The following STK32C variants were observed in gnomAD, a reference collection of about 807,000 sequenced individuals.
The protein encoded by STK32C is serine/threonine kinase 32C.
A neutral mutation model predicts 56.5 loss-of-function variants in STK32C; 31 were observed. The observed-to-expected ratio is 0.55, with a 90% CI of 0.41 to 0.74. The LOEUF (loss-of-function observed/expected upper bound fraction) is 0.74. Ranked by LOEUF, STK32C falls within the 30% of genes least tolerant of loss-of-function variation. STK32C has a pLI of 0.00. For missense variants in STK32C, 544 were observed against 676.9 expected (o/e 0.80, Z 2.18); for synonymous variants, 309 against 289.4 (o/e 1.07, Z -0.69).
At chr10:132,282,217 G>A (rs934898983) in intron 1 of STK32C, among the ~76,000 whole-genome samples, 4 of 152,200 alleles carry the variant, frequency 2.6e-5, no homozygotes, top group Admixed American at 2.0e-4. Context: ...CCCGCACCAC[G>A]CCCGAGAGGC....
intron 1 of STK32C, among the ~76,000 whole-genome samples, chr10:132,288,806 G>A (rs751872722): frequency 1.4e-4 from 22 of 152,112 alleles, no homozygotes; most frequent in Non-Finnish European, 2.9e-4. Flanking sequence ...AATTAAAGAA[G>A]ACCTCAATAA....
intron 1 of STK32C, among the ~76,000 whole-genome samples, chr10:132,315,076 G>A (rs1409251156): frequency 6.6e-6 from 1 of 152,204 alleles, no homozygotes; most frequent in Non-Finnish European, 1.5e-5. Context: ...GGAAGTTGCG[G>A]TGAGCAGAGA....
At chr10:132,320,874 C>A (rs879604455), downstream of STK32C, among the ~76,000 whole-genome samples, 1 of 152,198 alleles carries the variant, frequency 6.6e-6, no homozygotes, top group African/African-American at 2.4e-5. Context: ...ACAGTCCTGG[C>A]GCATCTGGGT....
chr10:132,294,075 C>T (rs1244687974), intron 1 of STK32C, among the ~76,000 whole-genome samples: 2 of 152,112 alleles, frequency 1.3e-5, no homozygotes, highest in Admixed American at 6.5e-5. Flanking sequence ...GGAGGGTGGA[C>T]GGAAAAGCCT....
At chr10:132,239,349 T>A (rs1420269090) in intron 2 of STK32C, among the ~76,000 whole-genome samples, 1 of 152,010 alleles carries the variant, frequency 6.6e-6, no homozygotes, top group Non-Finnish European at 1.5e-5. Flanking sequence ...CTCCCCAAGC[T>A]GGGGGAGCCC....
intron 6 of STK32C, 49 bp from the exon 7 acceptor site, chr10:132,225,385 G>A: frequency 1.9e-6 from 3 of 1,586,582 alleles, no homozygotes; most frequent in Non-Finnish European, 2.6e-6. Context: ...TCACAGCCCG[G>A]ACCCGTGGGC....
exon 2 of STK32C, chr10:132,324,244 C>G (rs769386723): frequency 1.7e-5 from 13 of 779,752 alleles, no homozygotes; most frequent in Non-Finnish European, 2.9e-5. Context: ...TTACACACCC[C>G]CTCTTGATGG....
chr10:132,216,924 G>A (rs1237191109), intron 10 of STK32C, among the ~76,000 whole-genome samples: 1 of 152,240 alleles, frequency 6.6e-6, no homozygotes, highest in Non-Finnish European at 1.5e-5. Context: ...CAGGGGTGGG[G>A]CCCTCATGGA....
At chr10:132,329,907 G>C (rs1194483440) in intron 1 of STK32C, among the ~76,000 whole-genome samples, 1 of 152,248 alleles carries the variant, frequency 6.6e-6, no homozygotes, top group East Asian at 1.9e-4. Context: ...GACATGAAAA[G>C]AGAAGATAGA....
At chr10:132,304,336 A>AC (rs1379864936) in intron 1 of STK32C, among the ~76,000 whole-genome samples, 6 of 150,260 alleles carry the variant, frequency 4.0e-5, no homozygotes, top group Non-Finnish European at 5.9e-5. Flanking sequence ...AACCCACCAA[A>AC]CCCCCCCAGT....
intron 1 of STK32C, among the ~76,000 whole-genome samples, chr10:132,277,877 C>T (rs1016405314): frequency 2.6e-5 from 4 of 152,168 alleles, no homozygotes; most frequent in African/African-American, 7.2e-5. Flanking sequence ...TTGGCTGTCT[C>T]GGTGCAGGGC....
Position 132,227,938 on chromosome 10 carries a change from ACGGTAAGT to A in STK32C, c.470+31_470+38del, listed in dbSNP as rs750497680. ...TAGCCAGTGCCTTCCCGGCTTCAGG[ACGGTAAGT>A]CTTTCTGCAGCGAGGCCATGGCAGG... is the stretch of plus-strand genomic sequence containing the variant. On this transcript the variant is annotated intron_variant, in intron 3 of 11. Coordinates refer to ENST00000298630, the MANE Select transcript of STK32C (RefSeq NM_173575.4). 25 of 1,606,256 alleles carry A rather than the reference ACGGTAAGT, an allele frequency of 1.6e-5. No individual in the cohort carries two copies. The South Asian group carries it at 1.7e-4, about 11-fold the overall frequency.
In STK32C at chr10:132,324,763, A is replaced by G. The variant is rs186736466; in HGVS notation, c.302-390T>C. 1.7e-3 allele frequency among the ~76,000 whole-genome samples: 257 copies of G among 152,334 alleles called. 1 individual carries two copies. Among genetic ancestry groups the G allele is most frequent in the African/African-American group, 5.8e-3 (242 of 41,570 alleles). ...CTCAAGAGATCCTGAGATGTGCCCA[A>G]GGTGGTTGGGTTGCAAGATGGTTTT... is the stretch of plus-strand genomic sequence containing the variant. On this transcript the variant is annotated intron_variant, in intron 1 of 1. Transcript: ENST00000368619.
chr10:132,283,840 G>A (rs2065291356), intron 1 of STK32C, among the ~76,000 whole-genome samples: 1 of 152,130 alleles, frequency 6.6e-6, no homozygotes, highest in African/African-American at 2.4e-5. Context: ...CCCACGCTCT[G>A]CTGGGAAGAG....
intron 10 of STK32C, among the ~76,000 whole-genome samples, chr10:132,220,143 A>G (rs965815293): frequency 1.3e-5 from 2 of 152,240 alleles, no homozygotes; most frequent in Non-Finnish European, 2.9e-5. Flanking sequence ...TATCATCAAG[A>G]TAAGATGGGG....
intron 1 of STK32C, among the ~76,000 whole-genome samples, chr10:132,290,943 A>T (rs941208919): frequency 2.3e-4 from 35 of 152,308 alleles, no homozygotes; most frequent in African/African-American, 8.4e-4. Context: ...ACCCAAGGGA[A>T]ACACGGCAGG....
intron 1 of STK32C, among the ~76,000 whole-genome samples, chr10:132,291,910 G>A (rs867499900): frequency 5.3e-5 from 8 of 152,196 alleles, no homozygotes; most frequent in Non-Finnish European, 1.0e-4. Flanking sequence ...ACAGCGAGAG[G>A]TGGTGTGTCT....
chr10:132,242,140 T>C (rs927129352), intron 2 of STK32C, among the ~76,000 whole-genome samples: 4 of 149,690 alleles, frequency 2.7e-5, no homozygotes, highest in Non-Finnish European at 5.9e-5. Context: ...TGGACTCCAT[T>C]CTCCCCAGAA....
chr10:132,280,630 GTGATCACGACACTCCACTCCA>G (rs1461901228), intron 1 of STK32C, among the ~76,000 whole-genome samples: 9 of 96,560 alleles, frequency 9.3e-5, no homozygotes, highest in East Asian at 4.4e-4. Context: ...CCTGCACTCC[GTGATCACGACACTCCACTCCA>G]TGATCACCAC....
Sources: gnomAD v4.1 joint callset for allele counts (sites outside exome capture counted in the v4.1 genomes callset) on GRCh38, gnomAD v4.1.1 for gene constraint, MANE v1.5 for transcripts, NCBI Gene and HGNC (gene_info 2026-07-23, HGNC 2026-07-21) for gene names.